Variants in TMTC2 observed in about 807,000 individuals in gnomAD.
The protein encoded by TMTC2 is protein O-mannosyl-transferase TMTC2.
TMTC2 carries 43 observed loss-of-function variants against 82.4 expected under a neutral mutation model. The ratio of observed to expected loss-of-function variants is 0.52; its 90% confidence interval spans 0.41 to 0.67. The LOEUF (loss-of-function observed/expected upper bound fraction) is 0.67. Ranked by LOEUF, TMTC2 falls within the 30% of genes least tolerant of loss-of-function variation. The pLI is 0.00. For synonymous variants in TMTC2, 408 were observed against 381.9 expected, an observed-to-expected ratio of 1.07 and a Z score of -0.80; for missense variants, 919 against 1,012.4, an observed-to-expected ratio of 0.91 and a Z score of 1.25.
At chr12:83,002,831 C>G (rs1332089222) in intron 8 of TMTC2, among the ~76,000 whole-genome samples, 1 of 150,426 alleles carries the variant, frequency 6.6e-6, no homozygotes, top group Non-Finnish European at 1.5e-5. Context: ...TGCATCTGGT[C>G]GCTCTTAGAG....
chr12:82,727,766 G>T (rs1874536995), intron 1 of TMTC2, among the ~76,000 whole-genome samples: 1 of 151,518 alleles, frequency 6.6e-6, no homozygotes, highest in South Asian at 2.1e-4. Flanking sequence ...CTGGAAACCT[G>T]GGTGCAGGGA....
chr12:83,110,542 C>T (rs1884566124), intron 11 of TMTC2, among the ~76,000 whole-genome samples: 1 of 152,146 alleles, frequency 6.6e-6, no homozygotes, highest in Non-Finnish European at 1.5e-5. Context: ...AGTTACTAGA[C>T]TTTGACTAGT....
At chr12:82,966,691 C>T (rs1878227194) in intron 6 of TMTC2, among the ~76,000 whole-genome samples, 2 of 152,208 alleles carry the variant, frequency 1.3e-5, no homozygotes, top group African/African-American at 4.8e-5. Context: ...TGCCAACATT[C>T]GATGCCTCGT....
At chr12:82,901,448 G>A (rs1328516482) in intron 3 of TMTC2, among the ~76,000 whole-genome samples, 1 of 151,050 alleles carries the variant, frequency 6.6e-6, no homozygotes, top group East Asian at 1.9e-4. Context: ...AGGACTACAG[G>A]CATGCACCAC....
chr12:83,125,180 A>C (rs1025335138), intron 11 of TMTC2, among the ~76,000 whole-genome samples: 3 of 152,218 alleles, frequency 2.0e-5, no homozygotes, highest in Non-Finnish European at 4.4e-5. Flanking sequence ...CCTCTCCCAG[A>C]GGTCTACTGT....
At chr12:83,067,023 G>T (rs570510292) in intron 11 of TMTC2, among the ~76,000 whole-genome samples, 6 of 151,942 alleles carry the variant, frequency 3.9e-5, no homozygotes, top group Non-Finnish European at 7.4e-5. Context: ...ATCAACAATG[G>T]AGGGAATATA....
intron 2 of TMTC2, among the ~76,000 whole-genome samples, chr12:82,871,261 T>A (rs1200009465): frequency 6.6e-6 from 1 of 152,208 alleles, no homozygotes; most frequent in Non-Finnish European, 1.5e-5. Context: ...GAGAATCTCA[T>A]CTCAAATATC....
intron 1 of TMTC2, among the ~76,000 whole-genome samples, chr12:82,786,761 A>G (rs988051677): frequency 2.6e-5 from 4 of 152,108 alleles, no homozygotes; most frequent in South Asian, 2.1e-4. Flanking sequence ...GCTTTTAACA[A>G]GAGATTTTCC....
chr12:83,039,640 T>G (rs1039005559), intron 9 of TMTC2, among the ~76,000 whole-genome samples: 6 of 151,974 alleles, frequency 3.9e-5, no homozygotes, highest in African/African-American at 1.2e-4. Flanking sequence ...GACTTTGGAG[T>G]TTATTACCCA....
At chr12:82,713,315 C>CA (rs201021071) in intron 1 of TMTC2, among the ~76,000 whole-genome samples, 105 of 121,916 alleles carry the variant, frequency 8.6e-4, no homozygotes, top group African/African-American at 8.4e-4. Context: ...AACTCTGTTT[C>CA]AAAAAAAAAA....
intron 3 of TMTC2, among the ~76,000 whole-genome samples, chr12:82,896,984 C>G (rs1050316299): frequency 6.6e-6 from 1 of 152,110 alleles, no homozygotes; most frequent in African/African-American, 2.4e-5. Context: ...AGGTACAGCT[C>G]TTTTATCATA....
chr12:82,764,183 G>A (rs1340185232), intron 1 of TMTC2, among the ~76,000 whole-genome samples: 1 of 152,114 alleles, frequency 6.6e-6, no homozygotes, highest in Non-Finnish European at 1.5e-5. Flanking sequence ...TGTCACTCAG[G>A]CTGGAGTGCA....
chr12:82,756,006 TA>T (rs370298154), intron 1 of TMTC2, among the ~76,000 whole-genome samples: 11 of 152,324 alleles, frequency 7.2e-5, no homozygotes, highest in African/African-American at 2.4e-4. Flanking sequence ...AGGGTGACAG[TA>T]CCTCATAAAA....
intron 8 of TMTC2, among the ~76,000 whole-genome samples, chr12:83,017,881 C>T (rs184322435): frequency 1.3e-5 from 2 of 151,256 alleles, no homozygotes; most frequent in African/African-American, 2.4e-5. Context: ...GTGTCAGAAC[C>T]GGACTAGAAC....
At chr12:83,043,157 C>T (rs1489476365) in intron 9 of TMTC2, among the ~76,000 whole-genome samples, 1 of 152,298 alleles carries the variant, frequency 6.6e-6, no homozygotes, top group South Asian at 2.1e-4. Context: ...GAAAAAGACA[C>T]TCAGCAAGGC....
intron 1 of TMTC2, among the ~76,000 whole-genome samples, chr12:82,766,870 C>T (rs1049010842): frequency 6.6e-6 from 1 of 152,158 alleles, no homozygotes; most frequent in Non-Finnish European, 1.5e-5. Context: ...ATGATCTCGG[C>T]TCACTGCAAC....
intron 2 of TMTC2, among the ~76,000 whole-genome samples, chr12:82,872,862 A>C (rs1872272858): frequency 6.6e-6 from 1 of 152,196 alleles, no homozygotes; most frequent in Admixed American, 6.6e-5. Context: ...GATTTTTTTA[A>C]AAATTACTAT....
intron 1 of TMTC2, among the ~76,000 whole-genome samples, chr12:82,723,664 T>C (rs759517982): frequency 3.9e-5 from 6 of 152,206 alleles, no homozygotes; most frequent in Non-Finnish European, 8.8e-5. Context: ...AATTTTCCAC[T>C]TGTAGCATCA....
chr12:82,774,837 G>A (rs10047619), intron 1 of TMTC2, among the ~76,000 whole-genome samples: 25,232 of 151,464 alleles, frequency 0.17, 2,632 homozygotes, highest in African/African-American at 0.29. Flanking sequence ...GCTCTCTCTC[G>A]TTTGCTGCCT....
Sources: gnomAD v4.1 joint callset for allele counts (sites outside exome capture counted in the v4.1 genomes callset) on GRCh38, gnomAD v4.1.1 for gene constraint, MANE v1.5 for transcripts, NCBI Gene and HGNC (gene_info 2026-07-23, HGNC 2026-07-21) for gene names.